PLXNA4: variants seen among roughly 807,000 people sequenced by gnomAD.
PLXNA4 encodes plexin-A4.
In PLXNA4, 44 loss-of-function variants were observed where a neutral mutation model predicts 191.8. That is an observed-to-expected ratio of 0.23 (90% CI 0.18 to 0.29). The LOEUF (loss-of-function observed/expected upper bound fraction) is 0.29, where lower values mean the gene tolerates loss of function less well. PLXNA4 is among the 10% of genes least tolerant of loss of function. The pLI is 1.00. For synonymous variants in PLXNA4, 1,082 were observed against 1,009.5 expected, an observed-to-expected ratio of 1.07 and a Z score of -1.36; for missense variants, 1,800 against 2,488.8, an observed-to-expected ratio of 0.72 and a Z score of 5.89.
At chr7:132,608,903 G>A (rs553457766) in intron 2 of PLXNA4, among the ~76,000 whole-genome samples, 20 of 152,266 alleles carry the variant, frequency 1.3e-4, no homozygotes, top group Non-Finnish European at 2.1e-4. Context: ...CTGCTCTGCC[G>A]TGCCCAGGTG....
intron 4 of PLXNA4, among the ~76,000 whole-genome samples, chr7:132,268,726 C>T (rs892859104): frequency 2.6e-5 from 4 of 152,180 alleles, no homozygotes; most frequent in African/African-American, 9.7e-5. Flanking sequence ...TGCCAGGCTT[C>T]CTGGATGACA....
chr7:132,337,540 A>G (rs1802867270), intron 3 of PLXNA4, among the ~76,000 whole-genome samples: 2 of 152,218 alleles, frequency 1.3e-5, no homozygotes, highest in Non-Finnish European at 2.9e-5. Context: ...GCCCTCCTGG[A>G]ATTCCGCAGT....
At chr7:132,568,734 G>C (rs1801846329) in intron 1 of PLXNA4, among the ~76,000 whole-genome samples, 1 of 152,170 alleles carries the variant, frequency 6.6e-6, no homozygotes, top group South Asian at 2.1e-4. Context: ...TACCCTCTAG[G>C]AGCCGCAACT....
intron 2 of PLXNA4, among the ~76,000 whole-genome samples, chr7:132,490,781 A>G (rs1397485631): frequency 6.6e-6 from 1 of 152,152 alleles, no homozygotes; most frequent in Non-Finnish European, 1.5e-5. Context: ...AATATTCTCC[A>G]GATATCCTGT....
At chr7:132,270,990 C>T (rs1053233423) in intron 4 of PLXNA4, 2 of 152,090 alleles carry the variant, frequency 1.3e-5, no homozygotes, top group African/African-American at 2.4e-5. Context: ...GCTTCCCTAC[C>T]CCCTTGCAGT....
chr7:132,387,807 T>C (rs75598664), intron 3 of PLXNA4, among the ~76,000 whole-genome samples: 2,057 of 152,230 alleles, frequency 0.014, 47 homozygotes, highest in African/African-American at 0.047. Flanking sequence ...ACTTAGCTGG[T>C]TGACTGGCTG....
intron 4 of PLXNA4, among the ~76,000 whole-genome samples, chr7:132,259,241 A>C (rs549306516): frequency 7.9e-5 from 12 of 151,918 alleles, no homozygotes; most frequent in African/African-American, 2.9e-4. Flanking sequence ...TTCTCAGTAC[A>C]GCTGGGAATA....
At chr7:132,471,668 T>C (rs1796939596) in intron 3 of PLXNA4, among the ~76,000 whole-genome samples, 1 of 152,142 alleles carries the variant, frequency 6.6e-6, no homozygotes, top group Non-Finnish European at 1.5e-5. Flanking sequence ...CTGGGACCGT[T>C]TGAGTTCCAA....
At chr7:132,167,593 G>A (rs1237085391) in intron 22 of PLXNA4, among the ~76,000 whole-genome samples, 1 of 151,998 alleles carries the variant, frequency 6.6e-6, no homozygotes, top group African/African-American at 2.4e-5. Context: ...GGAGTGCAGT[G>A]GTGAGATCAT....
chr7:132,396,883 G>C (rs530562749), intron 3 of PLXNA4, among the ~76,000 whole-genome samples: 1 of 152,368 alleles, frequency 6.6e-6, no homozygotes, highest in East Asian at 1.9e-4. Context: ...AGTGAAGCAG[G>C]ATGCTCGTTT....
chr7:132,453,390 C>T (rs556606262), intron 3 of PLXNA4, among the ~76,000 whole-genome samples: 3 of 152,206 alleles, frequency 2.0e-5, no homozygotes, highest in East Asian at 1.9e-4. Context: ...GAGAAATACC[C>T]CTTTTTGGAT....
rs77663894 is a variant in PLXNA4, at chr7:132,537,436, A to C, written c.-86-28657T>G. On this transcript the variant is annotated intron_variant, in intron 1 of 31. Coordinates refer to ENST00000321063, the MANE Select transcript of PLXNA4 (RefSeq NM_020911.2). Reference sequence around the variant, plus strand: ...GACACAATGAAAGTAGCCTCTTAGGAAGAAGCCTTAATCCTCTAAGTCCAT... The same window carrying C: ...GACACAATGAAAGTAGCCTCTTAGGCAGAAGCCTTAATCCTCTAAGTCCAT... 8.1e-3 allele frequency among the ~76,000 whole-genome samples: 1,241 copies of C among 152,356 alleles called. 15 individuals are homozygous for C. The highest frequency in any genetic ancestry group is 0.027 in the African/African-American group (1,116 of 41,580).
chr7:132,195,954 T>A (rs1054283467), intron 13 of PLXNA4, among the ~76,000 whole-genome samples: 3 of 152,220 alleles, frequency 2.0e-5, no homozygotes, highest in Non-Finnish European at 4.4e-5. Flanking sequence ...AGAAACAACT[T>A]TTGAGTAAGG....
chr7:132,489,468 T>C lies in PLXNA4; in HGVS notation c.1195A>G (p.Thr399Ala), dbSNP rs935837043. The change falls in exon 3 of 32, where the codon ACC (threonine) becomes GCC (alanine). Residue 399 changes from threonine (T) to alanine (A), a missense_variant. By Grantham distance (58) the Thr-to-Ala change is moderately conservative. Coordinates refer to ENST00000321063, the MANE Select transcript of PLXNA4 (RefSeq NM_020911.2). ...KDIPCSSALL[T>A]IDDNFCGLDM... Reference sequence around the variant, plus strand: ...AGGCCACAGAAGTTATCGTCAATGGTTAAGAGCTGCAAATTTTAAAAAGAG... The same window carrying C: ...AGGCCACAGAAGTTATCGTCAATGGCTAAGAGCTGCAAATTTTAAAAAGAG... 6.4e-7 allele frequency: 1 copy of C among 1,555,600 alleles called. No individual in the cohort carries two copies. The highest frequency in any genetic ancestry group is 8.8e-7 in the Non-Finnish European group (1 of 1,137,324).
In PLXNA4 at chr7:132,207,396, T is replaced by C. The variant is rs538424390; in HGVS notation, c.2298+3547A>G. Among the ~76,000 whole-genome samples, 4 of 152,318 alleles carry C rather than the reference T, an allele frequency of 2.6e-5. No individual in the cohort carries two copies. In the South Asian group the frequency reaches 8.3e-4, roughly 32 times the overall value. ...CAGATGCCCTTTGCAGCCCCCTCAC[T>C]GGCATGATTGGCAGCCTCCGAGAGC... On this transcript the variant is annotated intron_variant, in intron 10 of 31. Coordinates refer to ENST00000321063, the MANE Select transcript of PLXNA4 (RefSeq NM_020911.2).
At position 132,508,790 on chromosome 7, in the gene PLXNA4, G is replaced by C. The variant is rs958525438; in HGVS notation, c.-86-11C>G. On this transcript the variant is annotated splice_polypyrimidine_tract_variant and intron_variant, in intron 1 of 31. Transcript: ENST00000321063. The surrounding 1 kb of genome is among the most constrained non-coding windows in gnomAD (Gnocchi z 4.4). ...ATGCAGTCTCCCCTACTGGAGAAAG[G>C]GAAGACAATGAGCTGGATAACAATG... 2 of 1,435,518 alleles carry C rather than the reference G, an allele frequency of 1.4e-6. No homozygotes were observed. The highest frequency in any genetic ancestry group is 5.7e-5 in the Admixed American group (2 of 34,922). The allele number at this position is 1,435,518 out of a possible 1,614,324, so 88.9% of individuals were successfully genotyped here.
At chr7:132,507,403 T>C in intron 2 of PLXNA4, 103 bp downstream of exon 2, 1 of 1,299,872 alleles carries the variant, frequency 7.7e-7, no homozygotes, top group South Asian at 1.5e-5. Context: ...ACTCACTTCA[T>C]CTGCAAAAGG....
intron 3 of PLXNA4, among the ~76,000 whole-genome samples, chr7:132,370,591 C>T (rs939543271): frequency 5.9e-5 from 9 of 152,176 alleles, no homozygotes; most frequent in South Asian, 2.1e-4. Context: ...CTGTATTTAG[C>T]GGTGCCAGCT....
intron 3 of PLXNA4, among the ~76,000 whole-genome samples, chr7:132,468,630 AAG>A (rs1796799934): frequency 6.6e-6 from 1 of 152,066 alleles, no homozygotes; most frequent in Non-Finnish European, 1.5e-5. Flanking sequence ...GATGAGGAGA[AAG>A]AGAGAAGAAT....
Sources: gnomAD v4.1 joint callset for allele counts (sites outside exome capture counted in the v4.1 genomes callset) on GRCh38, gnomAD v4.1.1 for gene constraint, Gnocchi (gnomAD v3.1) non-coding constraint, MANE v1.5 for transcripts, NCBI Gene and HGNC (gene_info 2026-07-23, HGNC 2026-07-21) for gene names.